Variants in MARF1 observed in about 807,000 individuals in gnomAD.
MARF1 encodes the protein limkain-b1.
A neutral mutation model predicts 168.2 loss-of-function variants in MARF1; 24 were observed. The ratio of observed to expected loss-of-function variants is 0.14; its 90% CI spans 0.10 to 0.20. MARF1 has a LOEUF of 0.20. Ranked by LOEUF, MARF1 falls within the 10% of genes least tolerant of loss-of-function variation. The pLI is 1.00. For missense variants in MARF1, 1,744 were observed against 2,143.6 expected, an observed-to-expected ratio of 0.81 and a Z score of 3.68; for synonymous variants, 868 against 822.4, an observed-to-expected ratio of 1.06 and a Z score of -0.95.
Position 15,633,619 on chromosome 16 carries a change from G to T in MARF1, c.1231C>A (p.Gln411Lys). 5 of 1,578,368 alleles carry T rather than the reference G, an allele frequency of 3.2e-6. No homozygotes were observed. In the Admixed American group the frequency reaches 7.3e-5, roughly 23 times the overall value. ...ATTATTAAATTTTTTTTTTTTACCT[G>T]GCAATTATTCAGCTCTTGAATAACT... ...KEVIQELNNC[Q>K]VTVAHINATA... Residue 411 changes from glutamine (Q) to lysine (K), a missense_variant and splice_region_variant, in exon 5 of 27, where the codon CAG (glutamine) becomes AAG (lysine). By Grantham distance (53) the Gln-to-Lys change is moderately conservative. Around this residue, in one of 7 missense-constraint regions of MARF1, gnomAD observed 217 missense variants for 372.4 expected, o/e 0.58. Coordinates refer to ENST00000396368, the MANE Select transcript of MARF1 (RefSeq NM_014647.4).
At chr16:15,629,066 G>C (rs1273645234) in intron 7 of MARF1, among the ~76,000 whole-genome samples, 9 of 144,720 alleles carry the variant, frequency 6.2e-5, no homozygotes, top group Admixed American at 1.4e-4. Flanking sequence ...ACAGAGTCTC[G>C]CTCTGTCGAC....
intron 26 of MARF1, among the ~76,000 whole-genome samples, chr16:15,597,731 T>A (rs1037009032): frequency 5.3e-5 from 8 of 152,164 alleles, no homozygotes; most frequent in Admixed American, 2.0e-4. Context: ...AGTGTTTTAA[T>A]TATTTTCCTC....
intron 17 of MARF1, 66 bp downstream of exon 17, chr16:15,612,491 G>T: frequency 7.3e-7 from 1 of 1,361,452 alleles, no homozygotes; most frequent in Non-Finnish European, 1.1e-6. Context: ...TTTCTTTGAT[G>T]GAGGCAGCCA....
chr16:15,636,777 T>C (rs1411162055), intron 2 of MARF1, among the ~76,000 whole-genome samples: 1 of 152,308 alleles, frequency 6.6e-6, no homozygotes, highest in South Asian at 2.1e-4. Flanking sequence ...AATAGTTCTG[T>C]GGTCAGGCCA....
chr16:15,595,130 GC>G lies in MARF1; in HGVS notation c.*1562del, dbSNP rs1219796330. On this transcript the variant is annotated 3_prime_UTR_variant, in exon 27 of 27. Coordinates refer to ENST00000396368, the MANE Select transcript of MARF1 (RefSeq NM_014647.4). ...GTAACACTATGTCTGTAGAGGAAAT[GC>G]CTTCAGGAGGATTCGGAGAGTGCCA... 6.6e-6 allele frequency: 1 copy of G among 152,618 alleles called. No homozygotes were observed. Among genetic ancestry groups the G allele is most frequent in the African/African-American group, 2.4e-5 (1 of 41,450 alleles). 9.5% of individuals were successfully genotyped at this position (152,618 alleles called of 1,614,324 possible). A position where few individuals can be genotyped will look rare whatever the true frequency, so the allele number is the denominator to read the frequency against.
intron 25 of MARF1, 139 bp from the exon 26 acceptor site, chr16:15,599,163 A>C (rs2032125507): frequency 5.1e-6 from 4 of 790,306 alleles, no homozygotes; most frequent in Non-Finnish European, 7.9e-6. Context: ...TTAAAAAAAA[A>C]AAAAAAAAAA....
At chr16:15,638,581 A>G (rs2035748586) in intron 2 of MARF1, among the ~76,000 whole-genome samples, 1 of 150,944 alleles carries the variant, frequency 6.6e-6, no homozygotes, top group Non-Finnish European at 1.5e-5. Context: ...GCAAGACTGC[A>G]CCTCAAAAAA....
intron 11 of MARF1, among the ~76,000 whole-genome samples, chr16:15,622,691 C>A (rs1457951550): frequency 6.6e-6 from 1 of 152,160 alleles, no homozygotes; most frequent in Non-Finnish European, 1.5e-5. Flanking sequence ...CCACAAATTG[C>A]CATTTCAATT....
intron 1 of MARF1, among the ~76,000 whole-genome samples, chr16:15,642,032 A>C (rs1483272417): frequency 6.6e-6 from 1 of 152,166 alleles, no homozygotes; most frequent in Non-Finnish European, 1.5e-5. Context: ...GCAGCTTTGG[A>C]CAACTCACAA....
chr16:15,608,150 A>AGTCAT, intron 21 of MARF1, 141 bp downstream of exon 21: 1 of 622,408 alleles, frequency 1.6e-6, no homozygotes, highest in African/African-American at 1.8e-5. Flanking sequence ...ACACAAAACG[A>AGTCAT]GTCATAATGC....
At position 15,625,401 on chromosome 16, in the gene MARF1, T is replaced by C. The variant is rs2034776220; in HGVS notation, c.1924A>G (p.Thr642Ala). 6.2e-7 allele frequency: 1 copy of C among 1,605,862 alleles called. No homozygotes were observed. Residue 642 changes from threonine to alanine, a missense_variant, in exon 8 of 27, where the codon ACA (threonine) becomes GCA (alanine). By Grantham distance (58) the Thr-to-Ala change is moderately conservative. This residue lies in a region of MARF1 where 270 missense variants were observed against 260.6 expected (regional missense o/e 1.04). Coordinates refer to ENST00000396368, the MANE Select transcript of MARF1 (RefSeq NM_014647.4). ...KGSQANSGSA[T>A]KNTNVKSLQE... ...AAACTTTTAACATTTGTATTTTTTGTAGCAGATCCAGAATTTGCCTGTGAC... is the reference window on the plus strand; with the variant it reads ...AAACTTTTAACATTTGTATTTTTTGCAGCAGATCCAGAATTTGCCTGTGAC...
intron 11 of MARF1, among the ~76,000 whole-genome samples, 200 bp downstream of exon 11, chr16:15,622,734 C>T (rs62036918): frequency 0.013 from 1,907 of 152,312 alleles, 22 homozygotes; most frequent in Non-Finnish European, 0.021. Context: ...CACTGCTAGG[C>T]GTCTTGCTCT....
In MARF1 at chr16:15,630,524, C is replaced by T; in HGVS notation, c.1352-20G>A. Reference sequence around the variant, plus strand: ...CATCAGCTGAAAGAAAAGGTACAGACCAACCCCATCCCCAAACATTAGAAA... The same window carrying T: ...CATCAGCTGAAAGAAAAGGTACAGATCAACCCCATCCCCAAACATTAGAAA... On this transcript the variant is annotated intron_variant, in intron 6 of 26. Coordinates refer to ENST00000396368, the MANE Select transcript of MARF1 (RefSeq NM_014647.4). 1.3e-6 allele frequency: 2 copies of T among 1,594,916 alleles called. No homozygotes were observed. Among genetic ancestry groups the T allele is most frequent in the Non-Finnish European group, 1.7e-6 (2 of 1,169,676 alleles).
chr16:15,633,113 T>C (rs764258525), intron 5 of MARF1, among the ~76,000 whole-genome samples: 5 of 150,902 alleles, frequency 3.3e-5, no homozygotes, highest in South Asian at 2.1e-4. Flanking sequence ...ATTTGAAAAC[T>C]TGGCACAAAT....
intron 16 of MARF1, among the ~76,000 whole-genome samples, chr16:15,614,176 C>CTT (rs370536582): frequency 1.3e-4 from 19 of 149,400 alleles, no homozygotes; most frequent in African/African-American, 4.7e-4. Flanking sequence ...CCTGAAAGTA[C>CTT]TTTTTTTTTT....
intron 4 of MARF1, among the ~76,000 whole-genome samples, chr16:15,634,300 T>C (rs1481454484): frequency 6.6e-6 from 1 of 152,240 alleles, no homozygotes; most frequent in Non-Finnish European, 1.5e-5. Context: ...TAACGCTGCA[T>C]TAACATCTGA....
At chr16:15,615,730 A>G in intron 16 of MARF1, 100 bp downstream of exon 16, 1 of 892,696 alleles carries the variant, frequency 1.1e-6, no homozygotes, top group East Asian at 2.9e-5. Context: ...GTGTTTTCAC[A>G]CTTGGCAAAT....
At chr16:15,606,751 T>C (rs1596448185) in intron 21 of MARF1, among the ~76,000 whole-genome samples, 2 of 152,184 alleles carry the variant, frequency 1.3e-5, no homozygotes, top group South Asian at 4.1e-4. Flanking sequence ...CGCCCTTGTA[T>C]GTTCATCTTC....
intron 7 of MARF1, among the ~76,000 whole-genome samples, chr16:15,628,154 G>A (rs1405178534): frequency 6.6e-6 from 1 of 152,108 alleles, no homozygotes; most frequent in Non-Finnish European, 1.5e-5. Flanking sequence ...TTAAAATGTG[G>A]CAGATTTATA....
Sources: allele counts gnomAD v4.1 joint callset (sites outside exome capture counted in the v4.1 genomes callset), GRCh38; gene constraint gnomAD v4.1.1; regional missense constraint gnomAD v4.1.1; transcripts MANE v1.5; gene names NCBI Gene and HGNC (gene_info 2026-07-23, HGNC 2026-07-21).